Variants in GABRA3 observed in about 807,000 individuals in gnomAD.
GABRA3 encodes the protein gamma-aminobutyric acid type A receptor subunit alpha3.
In GABRA3, 10 loss-of-function variants were observed where a neutral mutation model predicts 30.1. The observed-to-expected ratio is 0.33, with a 90% CI of 0.20 to 0.56. The LOEUF (loss-of-function observed/expected upper bound fraction) is 0.56. Ranked by LOEUF, GABRA3 falls within the 20% of genes least tolerant of loss-of-function variation. The pLI is 0.89. For missense variants in GABRA3, 233 were observed against 392.0 expected (o/e 0.59, Z 3.42); for synonymous variants, 151 against 146.8 (o/e 1.03, Z -0.21).
At chrX:152,377,257 T>A (rs1929022875) in intron 1 of GABRA3, among the ~76,000 whole-genome samples, 1 of 111,427 alleles carries the variant, frequency 9.0e-6, no homozygotes, top group African/African-American at 3.3e-5. Flanking sequence ...TCTTTATCCA[T>A]CCCCACTATT....
At chrX:152,268,116 T>C (rs1285997579) in intron 4 of GABRA3, among the ~76,000 whole-genome samples, 1 of 111,201 alleles carries the variant, frequency 9.0e-6, no homozygotes, top group Admixed American at 9.6e-5. Context: ...TAAGTGTCTA[T>C]TGCTGTAAAC....
At chrX:152,424,928 C>CTTTTTTTTTTTTTTTTTTTTTTT (rs747255822) in intron 1 of GABRA3, among the ~76,000 whole-genome samples, 4 of 42,354 alleles carry the variant, frequency 9.4e-5, no homozygotes, top group African/African-American at 3.7e-4. Flanking sequence ...TTTTTCTTTT[C>CTTTTTTTTTTTTTTTTTTTTTTT]TTTTTTTTTT....
At chrX:152,179,376 C>A (rs981714428) in intron 9 of GABRA3, among the ~76,000 whole-genome samples, 4 of 110,752 alleles carry the variant, frequency 3.6e-5, no homozygotes, top group African/African-American at 1.3e-4. Flanking sequence ...ACTTGTTGTA[C>A]GATAGGGTCT....
intron 1 of GABRA3, among the ~76,000 whole-genome samples, chrX:152,401,366 C>T (rs1239167725): frequency 9.2e-6 from 1 of 108,386 alleles, no homozygotes; most frequent in East Asian, 2.9e-4. Context: ...CAATAAGTGG[C>T]GGCAAGTGAT....
At chrX:152,239,781 T>C (rs1456184161) in intron 5 of GABRA3, among the ~76,000 whole-genome samples, 1 of 104,971 alleles carries the variant, frequency 9.5e-6, no homozygotes, top group Non-Finnish European at 1.9e-5. Flanking sequence ...TCTTTGTTGG[T>C]TTCAAGTCTG....
At chrX:152,205,067 T>C (rs1937520552) in intron 7 of GABRA3, among the ~76,000 whole-genome samples, 1 of 111,791 alleles carries the variant, frequency 8.9e-6, no homozygotes, top group South Asian at 3.8e-4. Flanking sequence ...ACCAGTCAAA[T>C]TGGATTAGGG....
At position 152,238,113 on chromosome X, in the gene GABRA3, G is replaced by T. The variant is rs1381038390; in HGVS notation, c.552-13268C>A. On this transcript the variant is annotated intron_variant, in intron 5 of 9. Coordinates refer to ENST00000370314, the MANE Select transcript of GABRA3 (RefSeq NM_000808.4). Reference sequence around the variant, plus strand: ...CTTCCAGTTTTTGCCTATTCAGTATGATATTGGCTGTGGGTTTGTCATAGA... The same window carrying T: ...CTTCCAGTTTTTGCCTATTCAGTATTATATTGGCTGTGGGTTTGTCATAGA... 7.4e-5 allele frequency among the ~76,000 whole-genome samples: 8 copies of T among 107,416 alleles called. No homozygotes were observed. In the South Asian group the frequency reaches 1.2e-3, roughly 16 times the overall value. 93.3% of individuals were successfully genotyped at this position (107,416 alleles called of 115,157 possible).
intron 3 of GABRA3, among the ~76,000 whole-genome samples, chrX:152,301,659 G>A (rs1939633405): frequency 9.1e-6 from 1 of 110,373 alleles, no homozygotes; most frequent in South Asian, 3.9e-4. Context: ...TCAGCCTCCT[G>A]AGTAGCTGGG....
intron 3 of GABRA3, among the ~76,000 whole-genome samples, chrX:152,287,135 G>C (rs749724602): frequency 1.2e-4 from 13 of 111,908 alleles, no homozygotes; most frequent in Non-Finnish European, 2.3e-4. Context: ...CATTATATTT[G>C]AATCCAATAT....
Position 152,224,781 on chromosome X carries a change from G to T in GABRA3, c.616C>A (p.Pro206Thr). 8.4e-7 allele frequency: 1 copy of T among 1,194,691 alleles called. No homozygotes were observed. ...EDFPMDVHAC[P>T]LKFGSYAYTT... Reference sequence around the variant, plus strand: ...TACATACAGCTTCCAAACTTCAGTGGGCAGGCATGCACATCCATGGGAAAA... The same window carrying T: ...TACATACAGCTTCCAAACTTCAGTGTGCAGGCATGCACATCCATGGGAAAA... Residue 206 changes from proline to threonine, a missense_variant, in exon 6 of 10, where the codon CCA (proline) becomes ACA (threonine). By Grantham distance (38) the Pro-to-Thr change is conservative. Transcript: ENST00000370314.
At chrX:152,218,655 T>G (rs1359444673) in intron 6 of GABRA3, among the ~76,000 whole-genome samples, 1 of 111,347 alleles carries the variant, frequency 9.0e-6, no homozygotes, top group East Asian at 2.8e-4. Flanking sequence ...TAAGTGTGTA[T>G]TTCTTTATAA....
chrX:152,270,969 T>A (rs759026720), intron 4 of GABRA3, among the ~76,000 whole-genome samples: 1 of 109,119 alleles, frequency 9.2e-6, no homozygotes, highest in Non-Finnish European at 1.9e-5. Context: ...GACTTCTTTT[T>A]TTTTTTTTTG....
intron 1 of GABRA3, among the ~76,000 whole-genome samples, chrX:152,434,575 A>C (rs2092013): frequency 0.026 from 2,871 of 111,782 alleles, 75 homozygotes; most frequent in Admixed American, 0.12. Flanking sequence ...TCCAAAACCA[A>C]ATAAATGCAT....
At chrX:152,250,688 T>C (rs1488292126) in intron 5 of GABRA3, 3 of 111,157 alleles carry the variant, frequency 2.7e-5, no homozygotes, top group African/African-American at 9.9e-5. Flanking sequence ...AGGTAACGGG[T>C]TTTAGCCTGT....
chrX:152,343,290 C>T (rs1397138163), intron 3 of GABRA3, among the ~76,000 whole-genome samples: 1 of 111,187 alleles, frequency 9.0e-6, no homozygotes, highest in African/African-American at 3.3e-5. Flanking sequence ...TGTTTGTTTT[C>T]TTTCTTTCAG....
At chrX:152,389,428 A>G in intron 1 of GABRA3, 1 of 111,700 alleles carries the variant, frequency 9.0e-6, no homozygotes, top group East Asian at 2.8e-4. Context: ...CCAGGAGCTG[A>G]AGGAATTAAT....
At chrX:152,275,795 A>T (rs1209210473) in intron 4 of GABRA3, among the ~76,000 whole-genome samples, 1 of 108,831 alleles carries the variant, frequency 9.2e-6, no homozygotes, top group African/African-American at 3.3e-5. Context: ...TATATCCTGT[A>T]AATAAATCAT....
In GABRA3 at chrX:152,168,400, G is replaced by A. The variant is rs979160347; in HGVS notation, c.1307C>T (p.Ala436Val). Residue 436 changes from alanine (A) to valine (V), a missense_variant, in exon 10 of 10, where the codon GCC becomes GTC. Around this residue, in one of 6 missense-constraint regions of GABRA3, gnomAD observed 66 missense variants for 57.1 expected, o/e 1.16. Coordinates refer to ENST00000370314, the MANE Select transcript of GABRA3 (RefSeq NM_000808.4). ...AGTCGGGCTGTCCTGCACGTAGGTG[G>A]CCTTGGGTGAAGCAATGATTGTTGG... is the stretch of plus-strand genomic sequence containing the variant. ...STPTIIASPKATYVQDSPTET... is the reference protein window; with the variant it reads ...STPTIIASPKVTYVQDSPTET... 3 of 1,210,446 alleles carry A rather than the reference G, an allele frequency of 2.5e-6. No homozygotes were observed. The highest frequency in any genetic ancestry group is 4.4e-5 in the Admixed American group (2 of 45,794).
chrX:152,174,735 G>T (rs1481201606), intron 9 of GABRA3, among the ~76,000 whole-genome samples: 1 of 111,673 alleles, frequency 9.0e-6, no homozygotes, highest in Non-Finnish European at 1.9e-5. Flanking sequence ...CTCCCATTCT[G>T]TAGATTGCCT....
Sources: gnomAD v4.1 joint callset for allele counts (sites outside exome capture counted in the v4.1 genomes callset) on GRCh38, gnomAD v4.1.1 for gene constraint, gnomAD v4.1.1 regional missense constraint, MANE v1.5 for transcripts, NCBI Gene and HGNC (gene_info 2026-07-23, HGNC 2026-07-21) for gene names.